SPOCK1: variants seen among roughly 807,000 people sequenced by gnomAD.
SPOCK1 encodes SPARC (osteonectin), cwcv and kazal like domains proteoglycan 1.
Under a neutral mutation model 55.3 loss-of-function variants are expected in SPOCK1, and 23 were observed. That is an observed-to-expected ratio of 0.42 (90% CI 0.30 to 0.59). The LOEUF (loss-of-function observed/expected upper bound fraction) is 0.59, where lower values mean the gene tolerates loss of function less well. Ranked by LOEUF, SPOCK1 falls within the 20% of genes least tolerant of loss-of-function variation. The pLI is 0.22. For synonymous variants in SPOCK1, 226 were observed against 221.0 expected (o/e 1.02, Z -0.20); for missense variants, 499 against 552.5 (o/e 0.90, Z 0.97).
At chr5:137,031,580 C>T (rs747042799) in intron 6 of SPOCK1, among the ~76,000 whole-genome samples, 5 of 152,180 alleles carry the variant, frequency 3.3e-5, no homozygotes, top group Non-Finnish European at 1.5e-5. Context: ...GTAAATTATA[C>T]GTGGCATAAC....
At chr5:137,411,563 A>G (rs994122670) in intron 2 of SPOCK1, among the ~76,000 whole-genome samples, 1 of 152,212 alleles carries the variant, frequency 6.6e-6, no homozygotes, top group African/African-American at 2.4e-5. Flanking sequence ...AACCAATGTG[A>G]TGTTCTGGAA....
In SPOCK1 at chr5:137,436,806, G is replaced by A. The variant is rs1158867353; in HGVS notation, c.186+61567C>T. On this transcript the variant is annotated intron_variant, in intron 2 of 10. Transcript: ENST00000394945. ...AAATTTTTGTGATTTTCCTCATAAG[G>A]ATTCTGTAACATTTCCTGTTATGCT... Among the ~76,000 whole-genome samples, 3 of 152,158 alleles carry A rather than the reference G, an allele frequency of 2.0e-5. No homozygotes were observed. The South Asian group carries it at 6.2e-4, about 32-fold the overall frequency.
chr5:137,462,740 T>C (rs546702210), intron 2 of SPOCK1, among the ~76,000 whole-genome samples: 1 of 152,362 alleles, frequency 6.6e-6, no homozygotes, highest in South Asian at 2.1e-4. Flanking sequence ...TCAGATATAA[T>C]GCCCTTAAAA....
intron 6 of SPOCK1, among the ~76,000 whole-genome samples, chr5:137,008,922 T>C (rs1223205350): frequency 6.6e-6 from 1 of 152,170 alleles, no homozygotes; most frequent in Admixed American, 6.5e-5. Context: ...ATTTTATCAC[T>C]GTTTTAAGTG....
At position 137,201,962 on chromosome 5, in the gene SPOCK1, G is replaced by A. The variant is rs145581172; in HGVS notation, c.233-61268C>T. ...AAGCCACACAACTCTCAGTCCAACC[G>A]AGGCCCAGATGTGGCACTGGTACCA... is the stretch of plus-strand genomic sequence containing the variant. On this transcript the variant is annotated intron_variant, in intron 3 of 10. Transcript: ENST00000394945. Among the ~76,000 whole-genome samples, 765 of 152,278 alleles carry A rather than the reference G, an allele frequency of 5.0e-3. 5 individuals carry two copies. Among genetic ancestry groups the A allele is most frequent in the African/African-American group, 0.015 (614 of 41,560 alleles).
At chr5:137,008,295 TACACACACACACACAC>T (rs141325417) in intron 6 of SPOCK1, among the ~76,000 whole-genome samples, 1 of 138,320 alleles carries the variant, frequency 7.2e-6, no homozygotes, top group Non-Finnish European at 1.6e-5. Flanking sequence ...TAATAATAAA[TACACACACACACACAC>T]ACACACACAC....
At chr5:137,414,029 A>G (rs1752277675) in intron 2 of SPOCK1, among the ~76,000 whole-genome samples, 1 of 152,234 alleles carries the variant, frequency 6.6e-6, no homozygotes, top group Non-Finnish European at 1.5e-5. Flanking sequence ...TCAAGAAAAT[A>G]TCATCTATAG....
intron 2 of SPOCK1, among the ~76,000 whole-genome samples, chr5:137,464,313 TAAAC>T (rs980988696): frequency 1.3e-4 from 20 of 151,972 alleles, no homozygotes; most frequent in South Asian, 2.1e-4. Context: ...AATAAATAAA[TAAAC>T]AAACAAACAA....
At chr5:137,170,955 T>A (rs1754743542) in intron 3 of SPOCK1, among the ~76,000 whole-genome samples, 1 of 152,058 alleles carries the variant, frequency 6.6e-6, no homozygotes, top group South Asian at 2.1e-4. Flanking sequence ...AAAGCCCTTA[T>A]CCTTAATCAC....
intron 2 of SPOCK1, chr5:137,313,384 G>C: frequency 4.1e-6 from 4 of 983,946 alleles, no homozygotes; most frequent in Non-Finnish European, 4.8e-6. Flanking sequence ...AGATTAAAGA[G>C]AAGAAAAGTA....
chr5:137,449,858 G>A (rs1753212251), intron 2 of SPOCK1, among the ~76,000 whole-genome samples: 1 of 112,630 alleles, frequency 8.9e-6, no homozygotes. Flanking sequence ...CTGCACTCTG[G>A]CCTGGGCAAC....
At chr5:137,493,359 C>T (rs1754227027) in intron 2 of SPOCK1, among the ~76,000 whole-genome samples, 1 of 152,204 alleles carries the variant, frequency 6.6e-6, no homozygotes, top group South Asian at 2.1e-4. Flanking sequence ...GGTCCATTAT[C>T]CATTTGGAGC....
chr5:137,138,040 A>G (rs959284026), intron 4 of SPOCK1, among the ~76,000 whole-genome samples: 1 of 152,166 alleles, frequency 6.6e-6, no homozygotes, highest in Admixed American at 6.5e-5. Flanking sequence ...TGTAAGAATT[A>G]CTAGAGGATG....
intron 4 of SPOCK1, among the ~76,000 whole-genome samples, chr5:137,125,189 A>C (rs542046022): frequency 2.0e-5 from 3 of 152,158 alleles, no homozygotes; most frequent in Admixed American, 6.5e-5. Context: ...TCTTGATTTA[A>C]CTGATTCATT....
At chr5:137,338,903 A>C (rs1317532339) in intron 2 of SPOCK1, among the ~76,000 whole-genome samples, 1 of 152,184 alleles carries the variant, frequency 6.6e-6, no homozygotes, top group African/African-American at 2.4e-5. Context: ...GTTATTTCAA[A>C]GATTAAGTCA....
chr5:137,210,031 G>A (rs1018096401), intron 3 of SPOCK1, among the ~76,000 whole-genome samples: 1 of 152,090 alleles, frequency 6.6e-6, no homozygotes, highest in Non-Finnish European at 1.5e-5. Flanking sequence ...CAAGATCTTG[G>A]GACCAAATGT....
intron 2 of SPOCK1, among the ~76,000 whole-genome samples, chr5:137,358,047 A>T (rs1447092690): frequency 6.6e-6 from 1 of 152,120 alleles, no homozygotes; most frequent in Admixed American, 6.5e-5. Context: ...TTCCTTCCTG[A>T]GGACTGTACC....
intron 2 of SPOCK1, among the ~76,000 whole-genome samples, chr5:137,382,225 G>T (rs1361286214): frequency 6.6e-6 from 1 of 152,166 alleles, no homozygotes; most frequent in Non-Finnish European, 1.5e-5. Context: ...GACCATCTCA[G>T]CCTGGACATC....
chr5:137,459,099 G>T (rs567177343), intron 2 of SPOCK1, among the ~76,000 whole-genome samples: 1 of 152,212 alleles, frequency 6.6e-6, no homozygotes, highest in Non-Finnish European at 1.5e-5. Context: ...GAGTGAGTGT[G>T]TTGGTGACTA....
Sources: allele counts gnomAD v4.1 joint callset (sites outside exome capture counted in the v4.1 genomes callset), GRCh38; gene constraint gnomAD v4.1.1; transcripts MANE v1.5; gene names NCBI Gene and HGNC (gene_info 2026-07-23, HGNC 2026-07-21).